The following NTM variants were observed in gnomAD, a reference collection of about 807,000 sequenced individuals.
NTM encodes neurotrimin.
In NTM, 13 loss-of-function variants were observed where a neutral mutation model predicts 42.1. The observed-to-expected ratio is 0.31, with a 90% CI of 0.20 to 0.49. The LOEUF (loss-of-function observed/expected upper bound fraction) is 0.49. NTM is among the 20% of genes least tolerant of loss of function. NTM has a pLI of 0.99. For synonymous variants in NTM, 187 were observed against 179.2 expected, an observed-to-expected ratio of 1.04 and a Z score of -0.35; for missense variants, 373 against 452.8, an observed-to-expected ratio of 0.82 and a Z score of 1.60.
At chr11:132,161,125 C>G (rs906470721) in intron 3 of NTM, among the ~76,000 whole-genome samples, 1 of 152,084 alleles carries the variant, frequency 6.6e-6, no homozygotes, top group Non-Finnish European at 1.5e-5. Flanking sequence ...TTCCTTCTTG[C>G]CTGGCCAGGG....
intron 1 of NTM, chr11:131,771,231 T>C (rs945768477): frequency 2.0e-5 from 3 of 152,228 alleles, no homozygotes; most frequent in Non-Finnish European, 4.4e-5. Context: ...GTTATTCTTG[T>C]TCATGACTGC....
At chr11:132,255,189 T>TA (rs2092376503) in intron 4 of NTM, among the ~76,000 whole-genome samples, 1 of 152,242 alleles carries the variant, frequency 6.6e-6, no homozygotes, top group South Asian at 2.1e-4. Flanking sequence ...ACATTTTTTT[T>TA]ATCTCTTTGG....
intron 1 of NTM, among the ~76,000 whole-genome samples, chr11:131,910,640 C>A (rs780254887): frequency 1.3e-5 from 2 of 150,472 alleles, no homozygotes; most frequent in Non-Finnish European, 3.0e-5. Flanking sequence ...AGGAAGGCGG[C>A]GCGGAGGCCG....
At chr11:132,072,459 GTAAT>G (rs1238262194) in intron 2 of NTM, among the ~76,000 whole-genome samples, 1 of 152,158 alleles carries the variant, frequency 6.6e-6, no homozygotes, top group Non-Finnish European at 1.5e-5. Flanking sequence ...CTGTTGGTGA[GTAAT>G]TAACTAACCA....
intron 4 of NTM, chr11:132,306,515 T>G (rs950595571): frequency 6.6e-6 from 1 of 152,170 alleles, no homozygotes; most frequent in African/African-American, 2.4e-5. Context: ...CATGTGTGTG[T>G]GTGAGTGTGT....
At chr11:131,550,849 C>T (rs1188282959) in intron 1 of NTM, among the ~76,000 whole-genome samples, 2 of 151,908 alleles carry the variant, frequency 1.3e-5, no homozygotes, top group Admixed American at 6.6e-5. Flanking sequence ...AAAAAAATAC[C>T]CTCAAAAAAC....
chr11:131,840,311 C>A (rs183446236), intron 1 of NTM, among the ~76,000 whole-genome samples: 2 of 152,234 alleles, frequency 1.3e-5, no homozygotes, highest in Non-Finnish European at 2.9e-5. Context: ...GGACACAGAG[C>A]AGGACACTGT....
intron 1 of NTM, among the ~76,000 whole-genome samples, chr11:131,592,837 C>G (rs1190839235): frequency 6.6e-6 from 1 of 152,190 alleles, no homozygotes; most frequent in African/African-American, 2.4e-5. Flanking sequence ...GCCCCTGCCT[C>G]CCCACAATGC....
intron 1 of NTM, among the ~76,000 whole-genome samples, chr11:131,860,514 A>G (rs771736111): frequency 6.6e-6 from 1 of 152,208 alleles, no homozygotes; most frequent in Admixed American, 6.5e-5. Context: ...CGCTGGTCAT[A>G]TCGTCACCCT....
chr11:131,724,717 C>T lies in NTM; in HGVS notation c.83-186847C>T, dbSNP rs1025333417. Among the ~76,000 whole-genome samples the T allele has an allele frequency of 7.9e-5, 12 of 152,140 alleles. No individual in the cohort carries two copies. In the East Asian group the frequency reaches 9.7e-4, roughly 12 times the overall value. ...GAGAAAAGAAAGGAACGACAAGGCC[C>T]GGCAGAAGGGCACTCATAAATTATA... On this transcript the variant is annotated intron_variant, in intron 1 of 8. Transcript: ENST00000683400.
chr11:132,030,275 A>G (rs1361030205), intron 2 of NTM, among the ~76,000 whole-genome samples: 1 of 152,176 alleles, frequency 6.6e-6, no homozygotes, highest in Non-Finnish European at 1.5e-5. Context: ...TTTATTAATT[A>G]CTATTTTATT....
chr11:131,928,996 A>G (rs1004022697), intron 2 of NTM, among the ~76,000 whole-genome samples: 3 of 152,198 alleles, frequency 2.0e-5, no homozygotes, highest in Admixed American at 2.0e-4. Context: ...AGAATCATTC[A>G]ATTATTTCTT....
At chr11:132,095,504 A>C (rs1296889326) in intron 2 of NTM, among the ~76,000 whole-genome samples, 1 of 152,192 alleles carries the variant, frequency 6.6e-6, no homozygotes, top group Admixed American at 6.5e-5. Context: ...AACAGACTTG[A>C]AAGCCCTGAA....
chr11:131,768,182 G>A (rs1013367595), intron 1 of NTM, among the ~76,000 whole-genome samples: 1 of 149,596 alleles, frequency 6.7e-6, no homozygotes, highest in African/African-American at 2.5e-5. Context: ...GAGTGCAATG[G>A]TGTGATCTCG....
intron 2 of NTM, among the ~76,000 whole-genome samples, chr11:131,966,079 G>C (rs868669837): frequency 1.4e-4 from 22 of 152,204 alleles, no homozygotes; most frequent in South Asian, 4.1e-4. Flanking sequence ...GAACACTCGA[G>C]GGTGAGTTAA....
intron 1 of NTM, among the ~76,000 whole-genome samples, chr11:131,456,154 G>A (rs1282271423): frequency 1.3e-5 from 2 of 152,212 alleles, no homozygotes; most frequent in Non-Finnish European, 2.9e-5. Context: ...AGTTGATTAA[G>A]GAGCTGGCAA....
chr11:131,566,324 T>A (rs2056877765), intron 1 of NTM, among the ~76,000 whole-genome samples: 1 of 152,178 alleles, frequency 6.6e-6, no homozygotes, highest in African/African-American at 2.4e-5. Flanking sequence ...TACAAATTCC[T>A]TTACAAGGAT....
chr11:131,836,262 T>C (rs1451389655), intron 1 of NTM, among the ~76,000 whole-genome samples: 4 of 152,250 alleles, frequency 2.6e-5, no homozygotes, highest in African/African-American at 4.8e-5. Flanking sequence ...CTTATCCTTC[T>C]GTTCTCCAAG....
intron 2 of NTM, among the ~76,000 whole-genome samples, chr11:131,939,890 A>G (rs975064278): frequency 1.3e-5 from 2 of 152,172 alleles, no homozygotes; most frequent in South Asian, 2.1e-4. Flanking sequence ...TAGGAGGGAT[A>G]TGAGGCAGTG....
Sources: allele counts gnomAD v4.1 joint callset (sites outside exome capture counted in the v4.1 genomes callset), GRCh38; gene constraint gnomAD v4.1.1; transcripts MANE v1.5; gene names NCBI Gene and HGNC (gene_info 2026-07-23, HGNC 2026-07-21).